The following CHODL variants were observed in gnomAD, a reference collection of about 807,000 sequenced individuals.
The protein encoded by CHODL is transmembrane protein MT75.
In CHODL, 29 loss-of-function variants were observed where a neutral mutation model predicts 34.5. The observed-to-expected ratio is 0.84, with a 90% CI of 0.63 to 1.15. The LOEUF (loss-of-function observed/expected upper bound fraction) is 1.15, where lower values mean the gene tolerates loss of function less well. Ranked by LOEUF, CHODL falls within the 50% of genes most tolerant of loss-of-function variation. The pLI is 0.00. For missense variants in CHODL, 332 were observed against 332.5 expected, an observed-to-expected ratio of 1.00 and a Z score of 0.01; for synonymous variants, 125 against 116.1, an observed-to-expected ratio of 1.08 and a Z score of -0.49.
chr21:17,929,046 C>G (rs1026998220), intron 1 of CHODL, among the ~76,000 whole-genome samples: 1 of 152,160 alleles, frequency 6.6e-6, no homozygotes, highest in African/African-American at 2.4e-5. Flanking sequence ...AATGTCAACA[C>G]TGGTAAACTA....
At chr21:18,047,479 T>C (rs1221091307) in intron 2 of CHODL, among the ~76,000 whole-genome samples, 2 of 152,008 alleles carry the variant, frequency 1.3e-5, no homozygotes, top group African/African-American at 2.4e-5. Flanking sequence ...TTCCTTTTTA[T>C]GGCTTGTAAC....
chr21:18,235,303 G>A (rs1248367470), intron 2 of CHODL, among the ~76,000 whole-genome samples: 1 of 151,978 alleles, frequency 6.6e-6, no homozygotes, highest in Non-Finnish European at 1.5e-5. Flanking sequence ...CCTTCTGATG[G>A]TAGCATTATG....
rs1189009907 is a variant in CHODL, at chr21:18,260,215, C to T, written c.563C>T (p.Ala188Val). ...TTATTTACAGAGATTAATCCAACAG[C>T]CCCTGTAGAAAAGCCTTATCTTACA... is the stretch of plus-strand genomic sequence containing the variant. ...CKYEPEINPT[A>V]PVEKPYLTNQ... The change falls in exon 4 of 6, where the codon GCC becomes GTC. Residue 188 changes from alanine to valine, a missense_variant. By Grantham distance (64) the Ala-to-Val change is moderately conservative (BLOSUM62 0). Transcript: ENST00000299295. 2.5e-6 allele frequency: 4 copies of T among 1,570,288 alleles called. No homozygotes were observed. Among genetic ancestry groups the T allele is most frequent in the African/African-American group, 2.8e-5 (2 of 72,534 alleles).
At chr21:18,260,844 C>A (rs574491646) in intron 4 of CHODL, among the ~76,000 whole-genome samples, 50 of 151,584 alleles carry the variant, frequency 3.3e-4, no homozygotes, top group South Asian at 2.3e-3. Context: ...ACAACAACAA[C>A]AACAAAAAAA....
rs368208061 is a variant in CHODL at position 18,172,571 on chromosome 21, A to AT, written c.-44-83928dup. On this transcript the variant is annotated intron_variant, in intron 2 of 6. Transcript: ENST00000400127. ...CAGCTTTCCTTACCCAGATTCAGCC[A>AT]TTTTTTTTTTAATGGAATAAACATT... Among the ~76,000 whole-genome samples, 45 of 104,522 alleles carry AT rather than the reference A, an allele frequency of 4.3e-4. 1 individual carries two copies. The highest frequency in any genetic ancestry group is 1.2e-3 in the African/African-American group (23 of 18,584). The allele number at this position is 104,522 out of a possible 152,430, so 68.6% of individuals were successfully genotyped here. A position where few individuals can be genotyped will look rare whatever the true frequency, so the allele number is the denominator to read the frequency against.
At chr21:18,231,204 A>G (rs2073975290) in intron 2 of CHODL, among the ~76,000 whole-genome samples, 1 of 152,170 alleles carries the variant, frequency 6.6e-6, no homozygotes, top group African/African-American at 2.4e-5. Context: ...GCGGTATTCC[A>G]ATAAACATTT....
At chr21:18,108,457 G>A (rs1341486879) in intron 2 of CHODL, among the ~76,000 whole-genome samples, 2 of 152,146 alleles carry the variant, frequency 1.3e-5, no homozygotes, top group Non-Finnish European at 2.9e-5. Flanking sequence ...TGAATTAGAA[G>A]GTAAGATTTA....
At chr21:18,162,198 G>A (rs2073103084) in intron 2 of CHODL, among the ~76,000 whole-genome samples, 1 of 152,152 alleles carries the variant, frequency 6.6e-6, no homozygotes, top group African/African-American at 2.4e-5. Flanking sequence ...CCACAAAATG[G>A]GTGGCATAAA....
rs537780274 is a variant in CHODL, at chr21:17,993,501, G to A, written c.-144-34371G>A. 2.6e-5 allele frequency among the ~76,000 whole-genome samples: 4 copies of A among 152,284 alleles called. No individual in the cohort carries two copies. In the East Asian group the frequency reaches 7.7e-4, roughly 29 times the overall value. On this transcript the variant is annotated intron_variant, in intron 1 of 6. Coordinates refer to the CHODL transcript ENST00000400127. ...TTCTGTTCCTGTGCTAGTTTGCTAA[G>A]GATAATGGCCTCCAGTGCCATCATG...
At chr21:17,946,644 T>A (rs2063411734) in intron 1 of CHODL, among the ~76,000 whole-genome samples, 2 of 139,404 alleles carry the variant, frequency 1.4e-5, no homozygotes, top group Non-Finnish European at 3.1e-5. Context: ...GATTGACTGC[T>A]TTATCATTAT....
intron 1 of CHODL, among the ~76,000 whole-genome samples, chr21:17,959,619 A>G (rs1232360006): frequency 6.6e-6 from 1 of 152,176 alleles, no homozygotes; most frequent in Non-Finnish European, 1.5e-5. Context: ...AAGAAAAACA[A>G]CTGTTGTTAT....
intron 1 of CHODL, among the ~76,000 whole-genome samples, chr21:17,934,994 G>A (rs1428617766): frequency 6.6e-6 from 1 of 152,096 alleles, no homozygotes; most frequent in Non-Finnish European, 1.5e-5. Context: ...GATATTTTAG[G>A]AATATTTCCT....
intron 2 of CHODL, among the ~76,000 whole-genome samples, chr21:18,163,119 G>T (rs1269715582): frequency 6.6e-6 from 1 of 152,148 alleles, no homozygotes; most frequent in Non-Finnish European, 1.5e-5. Context: ...TTAACATATA[G>T]TGCTACTATA....
At chr21:18,018,441 G>A (rs1434770748) in intron 1 of CHODL, among the ~76,000 whole-genome samples, 1 of 152,112 alleles carries the variant, frequency 6.6e-6, no homozygotes, top group Non-Finnish European at 1.5e-5. Context: ...TTGCAACAGT[G>A]AGTGAGTTCT....
intron 2 of CHODL, among the ~76,000 whole-genome samples, chr21:18,060,995 C>T (rs771847237): frequency 1.1e-4 from 16 of 152,182 alleles, no homozygotes; most frequent in Non-Finnish European, 1.9e-4. Context: ...GTATTTCCCA[C>T]AGTAAGAACT....
chr21:17,986,589 A>G (rs545563670), intron 1 of CHODL, among the ~76,000 whole-genome samples: 1 of 152,260 alleles, frequency 6.6e-6, no homozygotes, highest in East Asian at 1.9e-4. Flanking sequence ...GTTGGTTCCA[A>G]GTCTTTGCTA....
chr21:18,056,476 CT>C (rs34378503), intron 2 of CHODL, among the ~76,000 whole-genome samples: 3,015 of 141,910 alleles, frequency 0.021, 83 homozygotes, highest in African/African-American at 0.067. Context: ...TATTTTCCTT[CT>C]TTTTTTTTTT....
chr21:18,217,041 C>T (rs1036301316), intron 2 of CHODL, among the ~76,000 whole-genome samples: 42 of 152,142 alleles, frequency 2.8e-4, no homozygotes, highest in African/African-American at 9.6e-4. Context: ...TTTCTTTATT[C>T]GTTAGTCTGT....
intron 4 of CHODL, 33 bp from the exon 5 acceptor site, chr21:18,262,758 A>G (rs749531135): frequency 8.2e-6 from 10 of 1,218,862 alleles, no homozygotes; most frequent in Non-Finnish European, 9.6e-6. Context: ...TTCCTCAACT[A>G]TCTTTTCACA....
Sources: allele counts gnomAD v4.1 joint callset (sites outside exome capture counted in the v4.1 genomes callset), GRCh38; gene constraint gnomAD v4.1.1; transcripts MANE v1.5; gene names NCBI Gene and HGNC (gene_info 2026-07-23, HGNC 2026-07-21).